C16orf89: variants seen among roughly 807,000 people sequenced by gnomAD.
C16orf89 encodes the protein chromosome 16 open reading frame 89.
A neutral mutation model predicts 41.5 loss-of-function variants in C16orf89; 57 were observed. The observed-to-expected ratio is 1.38, with a 90% CI of 1.11 to 1.71. The LOEUF (loss-of-function observed/expected upper bound fraction) is 1.71. C16orf89 is among the 40% of genes most tolerant of loss of function. The pLI is 0.00. For synonymous variants in C16orf89, 223 were observed against 190.6 expected (o/e 1.17, Z -1.40); for missense variants, 575 against 445.9 (o/e 1.29, Z -2.61).
In C16orf89 at chr16:5,056,337, G is replaced by A. The variant is rs201799204; in HGVS notation, c.628-149C>T. The A allele has an allele frequency of 2.0e-4, 137 of 675,908 alleles. No individual in the cohort carries two copies. The East Asian group carries it at 3.3e-3, about 16-fold the overall frequency. 41.9% of individuals were successfully genotyped at this position (675,908 alleles called of 1,614,324 possible). A position where few individuals can be genotyped will look rare whatever the true frequency, so the allele number is the denominator to read the frequency against. On this transcript the variant is annotated intron_variant, in intron 4 of 7. Transcript: ENST00000472572. ...TAGGGCAGGTCTTTTTCTCCTTTTC[G>A]CAGGATTTCTTCCCCATGCACACCC...
At chr16:5,058,001 A>G (rs1956544451) in intron 4 of C16orf89, among the ~76,000 whole-genome samples, 1 of 152,094 alleles carries the variant, frequency 6.6e-6, no homozygotes, top group Non-Finnish European at 1.5e-5. Context: ...GCTCAATTAC[A>G]CAGCAGGAGT....
In C16orf89 at chr16:5,065,793, A is replaced by G. The variant is rs376295722; in HGVS notation, c.116T>C (p.Ile39Thr). The change falls in exon 1 of 8, where the codon ATC becomes ACC. Residue 39 changes from isoleucine (I) to threonine (T), a missense_variant. Physicochemically the swap from Ile to Thr is moderately conservative, Grantham distance 89. Coordinates refer to ENST00000472572, the MANE Select transcript of C16orf89 (RefSeq NM_001098514.3). ...AESKATIADL[I>T]LSALERATVF... The stretch of plus-strand genomic sequence containing the variant: ...GGTGGCTCTCTCCAGCGCAGACAGG[A>G]TCAGGTCTGCAATGGTGGCTTTACT... The G allele has an allele frequency of 2.8e-5, 46 of 1,614,044 alleles. No homozygotes were observed. The African/African-American group carries it at 5.9e-4, about 21-fold the overall frequency.
downstream of C16orf89, chr16:5,043,955 G>A (rs963248898): frequency 4.7e-6 from 1 of 213,156 alleles, no homozygotes; most frequent in African/African-American, 2.4e-5. Context: ...GGAGTTTGAG[G>A]CTGCAGTGAG....
At chr16:5,047,038 A>G (rs1956310419) in intron 7 of C16orf89, among the ~76,000 whole-genome samples, 1 of 152,104 alleles carries the variant, frequency 6.6e-6, no homozygotes, top group South Asian at 2.1e-4. Context: ...ACTCCAGCAC[A>G]CAGACCCCTC....
chr16:5,063,325 C>T (rs758491371), intron 1 of C16orf89, among the ~76,000 whole-genome samples: 1 of 152,190 alleles, frequency 6.6e-6, no homozygotes, highest in African/African-American at 2.4e-5. Flanking sequence ...TCAGCCCCCT[C>T]CATGGGCAAA....
chr16:5,065,933 C>A lies in C16orf89; in HGVS notation c.-25G>T. The stretch of plus-strand genomic sequence containing the variant: ...TGGCCGGCCTCTGCTCACTGCTGGT[C>A]ACACGCTCAGCACCCTGAGCTCTGG... On this transcript the variant is annotated 5_prime_UTR_variant, in exon 1 of 8. Coordinates refer to ENST00000472572, the MANE Select transcript of C16orf89 (RefSeq NM_001098514.3). 1.2e-6 allele frequency: 2 copies of A among 1,608,574 alleles called. No individual in the cohort carries two copies. The highest frequency in any genetic ancestry group is 2.2e-5 in the South Asian group (2 of 90,300).
chr16:5,056,158 T>C lies in C16orf89; in HGVS notation c.658A>G (p.Ser220Gly), dbSNP rs375608707. ...CAGAAGAGGTTGATATAGTCCTGGC[T>C]CTGTTGGAGTGGTCCCTGTGTGCAC... ...RGCTQGPLQQ[S>G]QDYINLFCAN... Residue 220 changes from serine (S) to glycine (G), a missense_variant, in exon 5 of 8, where the codon AGC becomes GGC. Physicochemically the swap from Ser to Gly is moderately conservative, Grantham distance 56. Coordinates refer to ENST00000472572, the MANE Select transcript of C16orf89 (RefSeq NM_001098514.3). The C allele has an allele frequency of 3.8e-5, 61 of 1,593,636 alleles. No homozygotes were observed. The African/African-American group carries it at 7.9e-4, about 21-fold the overall frequency.
chr16:5,047,813 A>G (rs1011948984), intron 7 of C16orf89, 65 bp downstream of exon 7: 3 of 895,994 alleles, frequency 3.3e-6, no homozygotes, highest in Non-Finnish European at 5.6e-6. Context: ...GAATAAACAC[A>G]GGCCTCTGTT....
chr16:5,055,188 C>G (rs1431822980), intron 6 of C16orf89, 58 bp downstream of exon 6: 1 of 1,437,124 alleles, frequency 7.0e-7, no homozygotes, highest in Non-Finnish European at 9.6e-7. Context: ...CCTAGAAACT[C>G]AGAGCCACCC....
intron 7 of C16orf89, 79 bp downstream of exon 7, chr16:5,047,799 C>G: frequency 2.4e-6 from 2 of 835,134 alleles, no homozygotes; most frequent in Non-Finnish European, 4.1e-6. Context: ...TCTTCCATAG[C>G]AGAGAATAAA....
At chr16:5,046,305 C>T (rs140480300) in intron 7 of C16orf89, among the ~76,000 whole-genome samples, 15 of 152,056 alleles carry the variant, frequency 9.9e-5, no homozygotes, top group African/African-American at 3.4e-4. Context: ...CATATCCCTT[C>T]CTGTTTTTGC....
chr16:5,060,508 C>T, intron 2 of C16orf89, 72 bp from the exon 3 acceptor site: 1 of 1,452,968 alleles, frequency 6.9e-7, no homozygotes, highest in East Asian at 2.4e-5. Flanking sequence ...CCTGGTGTCC[C>T]CACCTCCTCC....
rs753215618 is a variant in C16orf89, at chr16:5,056,065, A to G, written c.751T>C (p.Phe251Leu). 1.9e-6 allele frequency: 3 copies of G among 1,593,668 alleles called. No individual in the cohort carries two copies. Among genetic ancestry groups the G allele is most frequent in the Non-Finnish European group, 2.6e-6 (3 of 1,163,698 alleles). Residue 251 changes from phenylalanine (F) to leucine (L), a missense_variant, in exon 5 of 8, where the codon TTC becomes CTC. Physicochemically the swap from Phe to Leu is conservative, Grantham distance 22 (BLOSUM62 0). Coordinates refer to ENST00000472572, the MANE Select transcript of C16orf89 (RefSeq NM_001098514.3). ...IGYAYPTRDI[F>L]MENIMFCGMG... Reference sequence around the variant, plus strand: ...ATGCTGGCCATACTGTTTTCCATGAAGATGTCCCGGGTAGGGTAGGCGTAT... The same window carrying G: ...ATGCTGGCCATACTGTTTTCCATGAGGATGTCCCGGGTAGGGTAGGCGTAT...
At position 5,056,124 on chromosome 16, in the gene C16orf89, A is replaced by G; in HGVS notation, c.692T>C (p.Met231Thr). 1 of 1,599,736 alleles carries G rather than the reference A, an allele frequency of 6.3e-7. No homozygotes were observed. Among genetic ancestry groups the G allele is most frequent in the African/African-American group, 1.3e-5 (1 of 74,780 alleles). Residue 231 changes from methionine (M) to threonine (T), a missense_variant, in exon 5 of 8, where the codon ATG becomes ACG. Coordinates refer to ENST00000472572, the MANE Select transcript of C16orf89 (RefSeq NM_001098514.3). The stretch of plus-strand genomic sequence containing the variant: ...CTCAGCTCTGCGGTTCAAGTCCATC[A>G]TGTTGGCGCAGAAGAGGTTGATATA... ...QDYINLFCAN[M>T]MDLNRRAEAI...
chr16:5,062,054 A>G (rs920823589), intron 2 of C16orf89, among the ~76,000 whole-genome samples: 2 of 152,218 alleles, frequency 1.3e-5, no homozygotes, highest in African/African-American at 4.8e-5. Context: ...ATTTGGTGAC[A>G]TGGGACACTA....
chr16:5,054,410 G>A (rs1340717439), intron 6 of C16orf89, among the ~76,000 whole-genome samples: 1 of 152,176 alleles, frequency 6.6e-6, no homozygotes, highest in African/African-American at 2.4e-5. Flanking sequence ...CTCCTCCCAT[G>A]TAGTTGTTCC....
intron 6 of C16orf89, among the ~76,000 whole-genome samples, chr16:5,051,724 A>C (rs991316863): frequency 1.3e-5 from 2 of 152,244 alleles, no homozygotes; most frequent in Non-Finnish European, 2.9e-5. Flanking sequence ...AAAGACCCCA[A>C]ATAGTGAAGC....
Position 5,047,877 on chromosome 16 carries a change from C to G in C16orf89, c.955+1G>C, listed in dbSNP as rs1956327873. The G allele has an allele frequency of 6.5e-7, 1 of 1,540,400 alleles. No individual in the cohort carries two copies. The highest frequency in any genetic ancestry group is 1.1e-5 in the South Asian group (1 of 88,978). Reference sequence around the variant, plus strand: ...GAAACTCCCTTGGGTATTTTCATTACCTGGAAATTGTTTTTCTCGCCTCTT... The same window carrying G: ...GAAACTCCCTTGGGTATTTTCATTAGCTGGAAATTGTTTTTCTCGCCTCTT... On this transcript the variant is annotated splice_donor_variant, in intron 7 of 7. Coordinates refer to ENST00000472572, the MANE Select transcript of C16orf89 (RefSeq NM_001098514.3). LOFTEE classifies it high-confidence loss of function.
chr16:5,044,844 A>C (rs1311913644), intron 7 of C16orf89: 3 of 369,192 alleles, frequency 8.1e-6, no homozygotes, highest in African/African-American at 2.3e-5. Context: ...AATCTGTCTC[A>C]AAAAAAAAAA....
Sources: gnomAD v4.1 joint callset for allele counts (sites outside exome capture counted in the v4.1 genomes callset) on GRCh38, gnomAD v4.1.1 for gene constraint, MANE v1.5 for transcripts, NCBI Gene and HGNC (gene_info 2026-07-23, HGNC 2026-07-21) for gene names.